MYO16: variants seen among roughly 807,000 people sequenced by gnomAD.
MYO16 encodes unconventional myosin-XVI.
A neutral mutation model predicts 205.3 loss-of-function variants in MYO16; 94 were observed. The observed-to-expected ratio is 0.46, with a 90% CI of 0.39 to 0.54. The LOEUF (loss-of-function observed/expected upper bound fraction) is 0.54. Among genes scored for constraint, MYO16 ranks in the 20% least tolerant of loss-of-function variants. MYO16 has a pLI of 0.00. For missense variants in MYO16, 2,315 were observed against 2,387.5 expected (o/e 0.97, Z 0.63); for synonymous variants, 988 against 954.0 (o/e 1.04, Z -0.66).
the MYO16 span, among the ~76,000 whole-genome samples, chr13:108,573,055 C>A: frequency 6.6e-6 from 1 of 152,206 alleles, no homozygotes; most frequent in Non-Finnish European, 1.5e-5. Flanking sequence ...CATGCAGAAT[C>A]TCTCAATGCC....
intron 27 of MYO16, among the ~76,000 whole-genome samples, chr13:109,085,571 A>G (rs1279503450): frequency 3.9e-5 from 6 of 152,332 alleles, no homozygotes; most frequent in South Asian, 2.1e-4. Flanking sequence ...GAAATTCAAT[A>G]CATAGGTGTG....
intron 9 of MYO16, among the ~76,000 whole-genome samples, chr13:108,834,741 C>T (rs2139049639): frequency 6.6e-6 from 1 of 151,236 alleles, no homozygotes; most frequent in Non-Finnish European, 1.5e-5. Context: ...AAATGTTTTT[C>T]CAATCAATGA....
the MYO16 span, among the ~76,000 whole-genome samples, chr13:108,546,703 C>T: frequency 6.6e-6 from 1 of 152,182 alleles, no homozygotes; most frequent in Non-Finnish European, 1.5e-5. Context: ...CCATGGTCCT[C>T]ACTCTTCCCA....
At chr13:108,663,035 G>T (rs1253203072) in intron 1 of MYO16, among the ~76,000 whole-genome samples, 1 of 152,144 alleles carries the variant, frequency 6.6e-6, no homozygotes, top group Non-Finnish European at 1.5e-5. Flanking sequence ...CTCCAGTGGG[G>T]GTGTGTGTCT....
chr13:109,129,510 C>T (rs1263228167), intron 31 of MYO16, among the ~76,000 whole-genome samples: 2 of 152,160 alleles, frequency 1.3e-5, no homozygotes, highest in African/African-American at 2.4e-5. Flanking sequence ...GCCACCAGCA[C>T]CCTCCCTGAG....
intron 10 of MYO16, among the ~76,000 whole-genome samples, chr13:108,852,740 C>T (rs551738471): frequency 1.3e-5 from 2 of 152,096 alleles, no homozygotes; most frequent in Non-Finnish European, 2.9e-5. Flanking sequence ...TTACTAAGGG[C>T]ACTAATGAGG....
chr13:108,892,295 G>A (rs2139190304), intron 14 of MYO16, among the ~76,000 whole-genome samples: 1 of 152,214 alleles, frequency 6.6e-6, no homozygotes, highest in South Asian at 2.1e-4. Context: ...CACCCAGGCT[G>A]GAGTATAGTG....
At chr13:109,203,912 A>G (rs532747290) in intron 34 of MYO16, among the ~76,000 whole-genome samples, 3 of 152,220 alleles carry the variant, frequency 2.0e-5, no homozygotes, top group South Asian at 2.1e-4. Flanking sequence ...TTGAGGACCT[A>G]TAAGTTTCCA....
Position 109,086,296 on chromosome 13 carries a change from C to T in MYO16, c.3336-14489C>T, listed in dbSNP as rs561081324. 2.0e-5 allele frequency among the ~76,000 whole-genome samples: 3 copies of T among 152,336 alleles called. No individual in the cohort carries two copies. The East Asian group carries it at 5.8e-4, about 29-fold the overall frequency. ...GCATACTCCCAGACAGTATTCTCTG[C>T]TTCACTGTGGTTTCCCCAGTACCAA... On this transcript the variant is annotated intron_variant, in intron 27 of 34. Coordinates refer to ENST00000457511, the MANE Select transcript of MYO16 (RefSeq NM_001198950.3).
the MYO16 span, among the ~76,000 whole-genome samples, chr13:108,557,539 T>C: frequency 6.6e-6 from 1 of 152,296 alleles, no homozygotes; most frequent in South Asian, 2.1e-4. Flanking sequence ...TAGACTTTGA[T>C]ACTTTTAAGC....
Position 109,141,348 on chromosome 13 carries a change from G to T in MYO16, c.5136G>T (p.Ala1712=), listed in dbSNP as rs754641400. ...GGAGGAGTGTGCTTCGGAAATCCGC[G>T]GCGGGAAGAAAAATCAGGGAAGCAG... ...NSGRSVLRKS[A]AGRKIREAEG... The change falls in exon 32 of 35, where the codon GCG becomes GCT. Residue 1712 remains alanine (A), a synonymous_variant. Coordinates refer to ENST00000457511, the MANE Select transcript of MYO16 (RefSeq NM_001198950.3). This position sits in a 1 kb window ranked among gnomAD's most constrained non-coding sequence, Gnocchi z 4.1. The T allele has an allele frequency of 1.9e-6, 3 of 1,547,698 alleles. No homozygotes were observed. Among genetic ancestry groups the T allele is most frequent in the East Asian group, 2.5e-5 (1 of 40,114 alleles).
At chr13:108,982,867 C>A (rs1884492657) in intron 20 of MYO16, among the ~76,000 whole-genome samples, 1 of 152,036 alleles carries the variant, frequency 6.6e-6, no homozygotes, top group African/African-American at 2.4e-5. Context: ...CTCAAATATC[C>A]TATGCTCTTA....
chr13:108,528,990 CT>C, the MYO16 span, among the ~76,000 whole-genome samples: 1 of 151,798 alleles, frequency 6.6e-6, no homozygotes, highest in East Asian at 2.0e-4. Context: ...CTGCATACTC[CT>C]TTTAACATTC....
intron 14 of MYO16, among the ~76,000 whole-genome samples, chr13:108,895,496 C>G (rs559541513): frequency 7.9e-5 from 12 of 152,316 alleles, no homozygotes; most frequent in Non-Finnish European, 1.5e-4. Context: ...TGACAACGTA[C>G]AGTGAAAGAA....
chr13:109,137,099 C>T (rs891559478), intron 31 of MYO16, among the ~76,000 whole-genome samples: 9 of 152,164 alleles, frequency 5.9e-5, no homozygotes, highest in African/African-American at 2.2e-4. Context: ...CAGCTGAGGG[C>T]TGGAGCAGAT....
chr13:108,983,348 C>T (rs527551431), intron 20 of MYO16, among the ~76,000 whole-genome samples: 6 of 152,214 alleles, frequency 3.9e-5, no homozygotes, highest in African/African-American at 1.4e-4. Context: ...ACAGTGTTTC[C>T]CAGAGAACAT....
chr13:108,772,389 A>G (rs9555505), intron 4 of MYO16, among the ~76,000 whole-genome samples: 5,047 of 150,128 alleles, frequency 0.034, 248 homozygotes, highest in East Asian at 0.24. Context: ...AGAAATCACC[A>G]AACTGTCTTC....
chr13:108,924,740 C>A (rs2065304364), intron 16 of MYO16, among the ~76,000 whole-genome samples: 1 of 152,158 alleles, frequency 6.6e-6, no homozygotes, highest in South Asian at 2.1e-4. Context: ...GTCTTCCCAG[C>A]AACACAGCAT....
At chr13:108,538,197 A>G in the MYO16 span, among the ~76,000 whole-genome samples, 4 of 152,234 alleles carry the variant, frequency 2.6e-5, no homozygotes, top group African/African-American at 9.6e-5. Flanking sequence ...ATGAAAGTAG[A>G]TAGACTAATA....
Sources: allele counts gnomAD v4.1 joint callset (sites outside exome capture counted in the v4.1 genomes callset), GRCh38; gene constraint gnomAD v4.1.1; non-coding constraint Gnocchi (gnomAD v3.1); transcripts MANE v1.5; gene names NCBI Gene and HGNC (gene_info 2026-07-23, HGNC 2026-07-21).